ZFHX3: variants seen among roughly 807,000 people sequenced by gnomAD.
The protein encoded by ZFHX3 is zinc finger homeobox 3, also known as zinc finger homeobox protein 3.
Under a neutral mutation model 279.1 loss-of-function variants are expected in ZFHX3, and 42 were observed. The observed-to-expected ratio is 0.15, with a 90% CI of 0.12 to 0.19. The LOEUF (loss-of-function observed/expected upper bound fraction) is 0.19, where lower values mean the gene tolerates loss of function less well. Ranked by LOEUF, ZFHX3 falls within the 10% of genes least tolerant of loss-of-function variation. The probability of loss-of-function intolerance (pLI) is 1.00; values close to 1 mark genes in which losing one functional copy is unlikely to be tolerated. For missense variants in ZFHX3, 4,981 were observed against 4,754.0 expected, an observed-to-expected ratio of 1.05 and a Z score of -1.40; for synonymous variants, 2,293 against 1,957.8, an observed-to-expected ratio of 1.17 and a Z score of -4.52.
At chr16:73,191,287 C>T (rs993681936) in intron 5 of ZFHX3, among the ~76,000 whole-genome samples, 9 of 152,220 alleles carry the variant, frequency 5.9e-5, no homozygotes, top group East Asian at 1.9e-4. Context: ...CTGTGTTGAA[C>T]GTTCCGTGGC....
chr16:73,403,739 T>A (rs888683862), intron 3 of ZFHX3, among the ~76,000 whole-genome samples: 1 of 152,116 alleles, frequency 6.6e-6, no homozygotes, highest in African/African-American at 2.4e-5. Flanking sequence ...ACTTCTTAAG[T>A]CAGCCCTGAA....
chr16:73,668,924 A>T (rs2052873285), intron 2 of ZFHX3, among the ~76,000 whole-genome samples: 1 of 152,192 alleles, frequency 6.6e-6, no homozygotes, highest in Non-Finnish European at 1.5e-5. Flanking sequence ...GAGGATATGG[A>T]GAAATAGGAA....
At chr16:73,423,529 G>C (rs1410946933) in intron 3 of ZFHX3, among the ~76,000 whole-genome samples, 1 of 152,190 alleles carries the variant, frequency 6.6e-6, no homozygotes, top group Non-Finnish European at 1.5e-5. Context: ...TGGAAGGAAA[G>C]CCTGCTGAAG....
chr16:72,880,874 C>G (rs2038447093), intron 4 of ZFHX3, among the ~76,000 whole-genome samples: 1 of 152,158 alleles, frequency 6.6e-6, no homozygotes, highest in Non-Finnish European at 1.5e-5. Flanking sequence ...CTTTCAAAGT[C>G]CCTCAAAACT....
chr16:73,868,199 A>T (rs571216064), intron 1 of ZFHX3, among the ~76,000 whole-genome samples: 5 of 152,222 alleles, frequency 3.3e-5, no homozygotes, highest in African/African-American at 1.2e-4. Flanking sequence ...GGTGAAATCT[A>T]CAGTGTCCAC....
intron 4 of ZFHX3, among the ~76,000 whole-genome samples, chr16:73,307,015 A>G (rs1184624069): frequency 6.6e-6 from 1 of 152,240 alleles, no homozygotes; most frequent in Non-Finnish European, 1.5e-5. Flanking sequence ...GAACAGCAAG[A>G]CCACAAAACT....
intron 8 of ZFHX3, chr16:73,083,345 A>C (rs1354587510): frequency 6.6e-6 from 1 of 152,268 alleles, no homozygotes; most frequent in Non-Finnish European, 1.5e-5. Flanking sequence ...GTAGGATGTG[A>C]CATGGCTGGA....
At chr16:73,822,152 A>G (rs1373175610) in intron 1 of ZFHX3, among the ~76,000 whole-genome samples, 2 of 152,220 alleles carry the variant, frequency 1.3e-5, no homozygotes, top group Non-Finnish European at 2.9e-5. Flanking sequence ...ATCCAATGCC[A>G]GCCCAGGTGA....
chr16:73,367,742 G>T (rs2016555253), intron 3 of ZFHX3, among the ~76,000 whole-genome samples: 1 of 152,154 alleles, frequency 6.6e-6, no homozygotes, highest in Non-Finnish European at 1.5e-5. Context: ...CTGTAAAATG[G>T]GTGGCATTAC....
chr16:73,046,310 G>A (rs148518582), intron 1 of ZFHX3, among the ~76,000 whole-genome samples: 145 of 152,280 alleles, frequency 9.5e-4, no homozygotes, highest in Middle Eastern at 3.4e-3. Flanking sequence ...AGTAGCAAGA[G>A]GGATTCAGAA....
intron 1 of ZFHX3, among the ~76,000 whole-genome samples, chr16:73,722,362 T>A (rs545227298): frequency 6.6e-6 from 1 of 152,212 alleles, no homozygotes; most frequent in Non-Finnish European, 1.5e-5. Context: ...ACTGTCAGAA[T>A]TCAATTTCAA....
chr16:73,719,710 T>G (rs148191908), intron 1 of ZFHX3, among the ~76,000 whole-genome samples: 1 of 151,516 alleles, frequency 6.6e-6, no homozygotes, highest in Non-Finnish European at 1.5e-5. Flanking sequence ...CTCGGCTCAC[T>G]GCAACCTCCG....
intron 2 of ZFHX3, among the ~76,000 whole-genome samples, chr16:73,514,205 G>A (rs577020629): frequency 4.0e-5 from 6 of 151,682 alleles, no homozygotes; most frequent in East Asian, 3.9e-4. Flanking sequence ...CCAAGATTGC[G>A]CCCCTGCACC....
At chr16:73,248,117 G>C (rs1479409602) in intron 5 of ZFHX3, among the ~76,000 whole-genome samples, 1 of 151,774 alleles carries the variant, frequency 6.6e-6, no homozygotes, top group Non-Finnish European at 1.5e-5. Flanking sequence ...TGTGGAGTGT[G>C]TGTGTATACT....
chr16:73,873,977 G>GA (rs556106992), intron 1 of ZFHX3, among the ~76,000 whole-genome samples: 26 of 146,752 alleles, frequency 1.8e-4, no homozygotes, highest in South Asian at 4.3e-4. Context: ...AAAGTAAGAA[G>GA]AAAAAAAAAA....
In ZFHX3 at chr16:72,959,062, G is replaced by A; in HGVS notation, c.1084C>T (p.His362Tyr). The change falls in exon 2 of 10, where the codon CAC (histidine) becomes TAC (tyrosine). Residue 362 changes from histidine (H) to tyrosine (Y), a missense_variant. Physicochemically the swap from His to Tyr is moderately conservative, Grantham distance 83. This residue lies in a region of ZFHX3 where 1,068 missense variants were observed against 935.2 expected (regional missense o/e 1.14). Transcript: ENST00000268489. ...VSTANLIGPG[H>Y]SFYGKFSGIR... The stretch of plus-strand genomic sequence containing the variant: ...CCACTAAATTTACCATAAAAACTGT[G>A]TCCGGGGCCTATGAGGTTAGCTGTG... 1 of 1,614,214 alleles carries A rather than the reference G, an allele frequency of 6.2e-7. No homozygotes were observed. The highest frequency in any genetic ancestry group is 8.5e-7 in the Non-Finnish European group (1 of 1,180,042).
At chr16:73,428,869 G>A (rs1217512282) in intron 3 of ZFHX3, among the ~76,000 whole-genome samples, 1 of 152,130 alleles carries the variant, frequency 6.6e-6, no homozygotes, top group African/African-American at 2.4e-5. Flanking sequence ...CTTCTCTATT[G>A]CGTTCTTCCC....
At chr16:73,638,519 T>G (rs2052547109) in intron 2 of ZFHX3, among the ~76,000 whole-genome samples, 1 of 152,244 alleles carries the variant, frequency 6.6e-6, no homozygotes. Flanking sequence ...CAAATGACTG[T>G]GACCTCTTTG....
At position 73,514,544 on chromosome 16, in the gene ZFHX3, T is replaced by C. The variant is rs183082938; in HGVS notation, c.-1546-58286A>G. 1.6e-3 allele frequency among the ~76,000 whole-genome samples: 250 copies of C among 152,380 alleles called. 1 individual carries two copies. The highest frequency in any genetic ancestry group is 1.6e-3 in the Non-Finnish European group (109 of 68,040). ...TATTATTTTTACTATTCTCATTCTATAATTCCAATACTGATATTAGTTACT... is the reference window on the plus strand; with the variant it reads ...TATTATTTTTACTATTCTCATTCTACAATTCCAATACTGATATTAGTTACT... On this transcript the variant is annotated intron_variant, in intron 2 of 17. Coordinates refer to the ZFHX3 transcript ENST00000641206.
Sources: gnomAD v4.1 joint callset for allele counts (sites outside exome capture counted in the v4.1 genomes callset) on GRCh38, gnomAD v4.1.1 for gene constraint, gnomAD v4.1.1 regional missense constraint, MANE v1.5 for transcripts, NCBI Gene and HGNC (gene_info 2026-07-23, HGNC 2026-07-21) for gene names.